The following IPO9 variants were observed in gnomAD, a reference collection of about 807,000 sequenced individuals.
IPO9 encodes the protein importin 9, also known as importin-9.
Under a neutral mutation model 128.6 loss-of-function variants are expected in IPO9, and 28 were observed. That is an observed-to-expected ratio of 0.22 (90% confidence interval 0.16 to 0.30). The LOEUF is 0.30. Among genes scored for constraint, IPO9 ranks in the 10% least tolerant of loss-of-function variants. The probability of loss-of-function intolerance (pLI) is 1.00; values close to 1 mark genes in which losing one functional copy is unlikely to be tolerated. For synonymous variants in IPO9, 455 were observed against 475.8 expected (o/e 0.96, Z 0.57); for missense variants, 935 against 1,293.9 (o/e 0.72, Z 4.26).
Position 201,880,342 on chromosome 1 carries a change from CATGTTCCCTTCTGGTGCTCA to C in IPO9, c.*4290_*4309del, listed in dbSNP as rs1680862183. The C allele has an allele frequency of 6.6e-6, 1 of 152,152 alleles. No individual in the cohort carries two copies. Among genetic ancestry groups the C allele is most frequent in the Non-Finnish European group, 1.5e-5 (1 of 68,048 alleles). The allele number at this position is 152,152 out of a possible 1,614,324, so 9.4% of individuals were successfully genotyped here. A position where few individuals can be genotyped will look rare whatever the true frequency, so the allele number is the denominator to read the frequency against. ...TGTGCCTATCAGTGATCCTCATTGC[CATGTTCCCTTCTGGTGCTCA>C]ACCGGAGGCTCCCTGACAGATGAGT... On this transcript the variant is annotated 3_prime_UTR_variant, in exon 24 of 24. Transcript: ENST00000361565.
At chr1:201,838,106 A>G (rs1378136108) in intron 1 of IPO9, among the ~76,000 whole-genome samples, 1 of 152,158 alleles carries the variant, frequency 6.6e-6, no homozygotes, top group African/African-American at 2.4e-5. Flanking sequence ...TATGTCCCAG[A>G]TAATTTGTGA....
In IPO9 at chr1:201,876,293, T is replaced by G; in HGVS notation, c.*239T>G. 1 of 628,178 alleles carries G rather than the reference T, an allele frequency of 1.6e-6. No homozygotes were observed. Among genetic ancestry groups the G allele is most frequent in the South Asian group, 1.7e-5 (1 of 58,924 alleles). 38.9% of individuals were successfully genotyped at this position (628,178 alleles called of 1,614,324 possible). Reference sequence around the variant, plus strand: ...CTGAAGACATGCCATCTCTAGAACCTTTTTTCTCCCCGACTCTACCCCCAC... The same window carrying G: ...CTGAAGACATGCCATCTCTAGAACCGTTTTTCTCCCCGACTCTACCCCCAC... On this transcript the variant is annotated 3_prime_UTR_variant, in exon 24 of 24. Transcript: ENST00000361565.
chr1:201,834,847 C>T (rs950810926), intron 1 of IPO9: 1 of 152,150 alleles, frequency 6.6e-6, no homozygotes, highest in African/African-American at 2.4e-5. Context: ...CAGATGCTGC[C>T]GAGATACCTG....
At chr1:201,832,733 G>GTGAGC (rs1558214251) in intron 1 of IPO9, among the ~76,000 whole-genome samples, 35 of 152,322 alleles carry the variant, frequency 2.3e-4, no homozygotes, top group Admixed American at 1.9e-3. Flanking sequence ...TTTGTGAGCT[G>GTGAGC]TTTATTAGTC....
chr1:201,855,289 G>A (rs1680310646), intron 9 of IPO9, 107 bp downstream of exon 9: 2 of 676,466 alleles, frequency 3.0e-6, no homozygotes, highest in Non-Finnish European at 5.3e-6. Context: ...ACTCTATTAA[G>A]TGTTTTCTAA....
rs1558226256 is a variant in IPO9, at chr1:201,875,135, T to C, written c.2939-17T>C. ...GGCCTTTGTCCTGACCCGCCCTGTGTTGGCTATGTCTAACAGAGGAGGATT... is the reference window on the plus strand; with the variant it reads ...GGCCTTTGTCCTGACCCGCCCTGTGCTGGCTATGTCTAACAGAGGAGGATT... On this transcript the variant is annotated splice_polypyrimidine_tract_variant and intron_variant, in intron 22 of 23. Transcript: ENST00000361565. The C allele has an allele frequency of 6.2e-7, 1 of 1,612,342 alleles. No homozygotes were observed. The highest frequency in any genetic ancestry group is 1.1e-5 in the South Asian group (1 of 91,054).
chr1:201,874,249 G>T lies in IPO9; in HGVS notation c.2711-1G>T. The T allele has an allele frequency of 6.2e-7, 1 of 1,613,704 alleles. No homozygotes were observed. The highest frequency in any genetic ancestry group is 1.1e-5 in the South Asian group (1 of 91,028). ...CTTGAAACCTTTTTCTTCCTTCCCA[G>T]ACCCAGAACGCTGGACAAACATTCC... On this transcript the variant is annotated splice_acceptor_variant, in intron 20 of 23. Coordinates refer to ENST00000361565, the MANE Select transcript of IPO9 (RefSeq NM_018085.5). LOFTEE classifies it high-confidence loss of function.
intron 20 of IPO9, among the ~76,000 whole-genome samples, 177 bp downstream of exon 20, chr1:201,873,138 G>T (rs575782520): frequency 6.6e-6 from 1 of 152,160 alleles, no homozygotes; most frequent in African/African-American, 2.4e-5. Flanking sequence ...GTTTCTTCCT[G>T]TTGTGGAAAA....
chr1:201,863,987 A>G (rs1398224532), intron 14 of IPO9, among the ~76,000 whole-genome samples: 1 of 152,226 alleles, frequency 6.6e-6, no homozygotes, highest in Non-Finnish European at 1.5e-5. Flanking sequence ...ATTAGAAACC[A>G]AATCTGGGAT....
rs376567863 is a variant in IPO9, at chr1:201,875,147, A to C, written c.2939-5A>C. On this transcript the variant is annotated splice_polypyrimidine_tract_variant and splice_region_variant and intron_variant, in intron 22 of 23. Transcript: ENST00000361565. ...GACCCGCCCTGTGTTGGCTATGTCT[A>C]ACAGAGGAGGATTACTACGAGGATG... 2.5e-6 allele frequency: 4 copies of C among 1,613,872 alleles called. No homozygotes were observed. In the South Asian group the frequency reaches 3.3e-5, roughly 13 times the overall value.
Position 201,867,356 on chromosome 1 carries a change from C to A in IPO9, c.1855+397C>A, listed in dbSNP as rs369352678. Among the ~76,000 whole-genome samples the A allele has an allele frequency of 5.9e-5, 9 of 151,894 alleles. No homozygotes were observed. In the East Asian group the frequency reaches 1.5e-3, roughly 26 times the overall value. On this transcript the variant is annotated intron_variant, in intron 15 of 23. Coordinates refer to ENST00000361565, the MANE Select transcript of IPO9 (RefSeq NM_018085.5). ...AAAGATATATGGAAAAGTTTATAAA[C>A]AAAGGTATTCACTAGATATTTTTTA...
Position 201,876,381 on chromosome 1 carries a change from T to C in IPO9, c.*327T>C, listed in dbSNP as rs1680763594. 1 of 434,870 alleles carries C rather than the reference T, an allele frequency of 2.3e-6. No homozygotes were observed. Among genetic ancestry groups the C allele is most frequent in the Non-Finnish European group, 4.3e-6 (1 of 231,656 alleles). 26.9% of individuals were successfully genotyped at this position (434,870 alleles called of 1,614,324 possible). ...CATTATTGCCCAGAAGGATTATGTG[T>C]TTATGGATTATTTTGCCCCGCCTCA... On this transcript the variant is annotated 3_prime_UTR_variant, in exon 24 of 24. Transcript: ENST00000361565.
Sources: allele counts gnomAD v4.1 joint callset (sites outside exome capture counted in the v4.1 genomes callset), GRCh38; gene constraint gnomAD v4.1.1; transcripts MANE v1.5; gene names NCBI Gene and HGNC (gene_info 2026-07-23, HGNC 2026-07-21).